PCYT1B: variants seen among roughly 807,000 people sequenced by gnomAD.
PCYT1B encodes the protein choline-phosphate cytidylyltransferase B.
In PCYT1B, 10 loss-of-function variants were observed where a neutral mutation model predicts 26.4. The ratio of observed to expected loss-of-function variants is 0.38; its 90% CI spans 0.23 to 0.64. The LOEUF (loss-of-function observed/expected upper bound fraction) is 0.64, where lower values mean the gene tolerates loss of function less well. PCYT1B is among the 30% of genes least tolerant of loss of function. PCYT1B has a pLI of 0.56. For missense variants in PCYT1B, 161 were observed against 292.7 expected, an observed-to-expected ratio of 0.55 and a Z score of 3.28; for synonymous variants, 131 against 108.4, an observed-to-expected ratio of 1.21 and a Z score of -1.29.
At chrX:24,633,209 C>CAAAA (rs1173874144) in intron 1 of PCYT1B, among the ~76,000 whole-genome samples, 6 of 16,730 alleles carry the variant, frequency 3.6e-4, no homozygotes, top group Non-Finnish European at 6.8e-4. Context: ...GACTATGTCT[C>CAAAA]AAAAAAAAAA....
chrX:24,656,681 G>A (rs767763907), intron 1 of PCYT1B, among the ~76,000 whole-genome samples: 8 of 100,668 alleles, frequency 7.9e-5, no homozygotes, highest in Non-Finnish European at 1.6e-4. Flanking sequence ...TCAGCCTCCC[G>A]AGTAGCTGGT....
chrX:24,618,893 G>A, intron 2 of PCYT1B, 92 bp downstream of exon 2: 1 of 528,153 alleles, frequency 1.9e-6, no homozygotes, highest in South Asian at 4.7e-5. Context: ...AAAGTGCTGG[G>A]ATCACAGGCA....
intron 2 of PCYT1B, among the ~76,000 whole-genome samples, chrX:24,618,765 G>C (rs748803400): frequency 1.8e-5 from 2 of 109,783 alleles, no homozygotes; most frequent in South Asian, 4.0e-4. Context: ...TGGTACTACA[G>C]GCGTGCACCA....
chrX:24,566,748 T>C (rs757871472), intron 7 of PCYT1B, among the ~76,000 whole-genome samples: 38 of 111,407 alleles, frequency 3.4e-4, no homozygotes, highest in African/African-American at 1.2e-3. Context: ...CAACACTCAT[T>C]TTTCCTTTCT....
At position 24,562,331 on chromosome X, in the gene PCYT1B, T is replaced by C. The variant is rs1422097848; in HGVS notation, c.1072A>G (p.Ile358Val). The change falls in exon 8 of 8, where the codon ATC (isoleucine) becomes GTC (valine). Residue 358 changes from isoleucine (I) to valine (V), a missense_variant. By Grantham distance (29) the Ile-to-Val change is conservative. This residue lies in a region of PCYT1B where 38 missense variants were observed against 55.9 expected (regional missense o/e 0.68). Transcript: ENST00000379144. Reference protein sequence around the residue: ...PSSPKAASASISSMSEGDEDE... With the variant: ...PSSPKAASASVSSMSEGDEDE... ...TCATCCCCCTCGCTCATGCTGCTGA[T>C]AGAGGCTGAGGCTGCTTTGGGTGAG... 3 of 1,167,387 alleles carry C rather than the reference T, an allele frequency of 2.6e-6. No individual in the cohort carries two copies. The highest frequency in any genetic ancestry group is 6.0e-5 in the East Asian group (2 of 33,434).
chrX:24,593,475 CT>C (rs1455310316), intron 3 of PCYT1B, among the ~76,000 whole-genome samples: 2 of 36,658 alleles, frequency 5.5e-5, no homozygotes, highest in African/African-American at 4.0e-4. Context: ...CTTTTCTTTT[CT>C]TTTCTTTTCT....
chrX:24,589,125 T>C (rs542740025), intron 4 of PCYT1B, among the ~76,000 whole-genome samples: 2 of 111,605 alleles, frequency 1.8e-5, no homozygotes, highest in African/African-American at 6.5e-5. Context: ...GAATATACAA[T>C]AGATGCTTAG....
At chrX:24,667,588 G>A (rs1405953900) in intron 1 of PCYT1B, among the ~76,000 whole-genome samples, 1 of 110,058 alleles carries the variant, frequency 9.1e-6, no homozygotes, top group Non-Finnish European at 1.9e-5. Flanking sequence ...ATGGTGGTGG[G>A]TGCCTGTAAT....
chrX:24,644,165 A>C (rs1298044688), intron 1 of PCYT1B, among the ~76,000 whole-genome samples: 2 of 112,398 alleles, frequency 1.8e-5, no homozygotes, highest in Non-Finnish European at 3.7e-5. Context: ...CTTAGTTATT[A>C]AAGTAAGATC....
intron 5 of PCYT1B, among the ~76,000 whole-genome samples, chrX:24,585,849 G>GC (rs1365080413): frequency 1.8e-5 from 2 of 109,924 alleles, no homozygotes; most frequent in Non-Finnish European, 3.8e-5. Flanking sequence ...ACCACTTATG[G>GC]CCCCCCAGTT....
rs987673133 is a variant in PCYT1B at position 24,558,124 on chromosome X, A to T, written c.*4169T>A. 1 of 111,462 alleles carries T rather than the reference A, an allele frequency of 9.0e-6. No homozygotes were observed. Among genetic ancestry groups the T allele is most frequent in the Non-Finnish European group, 1.9e-5 (1 of 52,970 alleles). The allele number at this position is 111,462 out of a possible 1,213,427, so 9.2% of individuals were successfully genotyped here. A position where few individuals can be genotyped will look rare whatever the true frequency, so the allele number is the denominator to read the frequency against. ...TCCCTTTATTTATAAACGAGTTGAGAATGGTGTGGTCCATTTGAGAGCAAG... is the reference window on the plus strand; with the variant it reads ...TCCCTTTATTTATAAACGAGTTGAGTATGGTGTGGTCCATTTGAGAGCAAG... On this transcript the variant is annotated 3_prime_UTR_variant, in exon 8 of 8. Coordinates refer to ENST00000379144, the MANE Select transcript of PCYT1B (RefSeq NM_004845.5).
At position 24,671,758 on chromosome X, in the gene PCYT1B, T is replaced by G. The variant is rs373808613; in HGVS notation, c.63+812A>C. ...CCCTCAATCTCTTCTTCACATCATC[T>G]GGGGTCCTTCTTAACACTTTGTCCC... is the stretch of plus-strand genomic sequence containing the variant. On this transcript the variant is annotated intron_variant, in intron 1 of 7. Transcript: ENST00000379145. Among the ~76,000 whole-genome samples, 5 of 111,520 alleles carry G rather than the reference T, an allele frequency of 4.5e-5. No homozygotes were observed. The East Asian group carries it at 1.4e-3, about 31-fold the overall frequency.
At chrX:24,646,898 TA>T in intron 1 of PCYT1B, 90 bp downstream of exon 1, 1 of 693,855 alleles carries the variant, frequency 1.4e-6, no homozygotes, top group Non-Finnish European at 2.3e-6. Flanking sequence ...GAAAATCCTC[TA>T]AGCATCGTTT....
intron 1 of PCYT1B, among the ~76,000 whole-genome samples, chrX:24,670,092 GAAAGA>G (rs1927215872): frequency 1.1e-5 from 1 of 90,271 alleles, no homozygotes; most frequent in Non-Finnish European, 2.2e-5. Flanking sequence ...AAGAAAGAAA[GAAAGA>G]AAGAAAGAAA....
At chrX:24,649,506 A>T (rs1391498068), upstream of PCYT1B, among the ~76,000 whole-genome samples, 1 of 111,661 alleles carries the variant, frequency 9.0e-6, no homozygotes, top group Non-Finnish European at 1.9e-5. Context: ...CACTGTTCAC[A>T]TTGGAAAGCA....
intron 7 of PCYT1B, among the ~76,000 whole-genome samples, chrX:24,571,756 TG>T (rs1490369790): frequency 9.0e-6 from 1 of 111,178 alleles, no homozygotes; most frequent in African/African-American, 3.3e-5. Context: ...CACTCCAGTC[TG>T]GGCAACAGAG....
Position 24,619,093 on chromosome X carries a change from G to C in PCYT1B, c.118-9C>G. On this transcript the variant is annotated splice_polypyrimidine_tract_variant and intron_variant, in intron 1 of 7. Coordinates refer to ENST00000379144, the MANE Select transcript of PCYT1B (RefSeq NM_004845.5). ...GCAGGTGCAGTCAGGGTCTAGAAGG[G>C]AGAAAAAGAAAGGGAATACAGTCTG... 1 of 1,155,044 alleles carries C rather than the reference G, an allele frequency of 8.7e-7. No homozygotes were observed. The highest frequency in any genetic ancestry group is 2.2e-5 in the Admixed American group (1 of 45,756).
chrX:24,570,228 T>C (rs1025109555), intron 7 of PCYT1B, among the ~76,000 whole-genome samples: 1 of 108,892 alleles, frequency 9.2e-6, no homozygotes, highest in African/African-American at 3.3e-5. Context: ...GTACATTTTA[T>C]GTTTATGAAT....
intron 1 of PCYT1B, among the ~76,000 whole-genome samples, chrX:24,627,927 G>A (rs34441956): frequency 8.9e-6 from 1 of 111,773 alleles, no homozygotes; most frequent in Non-Finnish European, 1.9e-5. Context: ...CCATTCCCTA[G>A]GAGGGGTAAA....
Sources: gnomAD v4.1 joint callset for allele counts (sites outside exome capture counted in the v4.1 genomes callset) on GRCh38, gnomAD v4.1.1 for gene constraint, gnomAD v4.1.1 regional missense constraint, MANE v1.5 for transcripts, NCBI Gene and HGNC (gene_info 2026-07-23, HGNC 2026-07-21) for gene names.